Variants in SRSF1 observed in about 807,000 individuals in gnomAD.
SRSF1 encodes serine and arginine rich splicing factor 1, also known as serine/arginine-rich splicing factor 1.
Under a neutral mutation model 25.9 loss-of-function variants are expected in SRSF1, and 1 was observed. The observed-to-expected ratio is 0.04, with a 90% CI of 0.01 to 0.18. SRSF1 has a LOEUF of 0.18. SRSF1 is among the 10% of genes least tolerant of loss of function. SRSF1 has a pLI of 1.00. For missense variants in SRSF1, 65 were observed against 350.5 expected (o/e 0.19, Z 6.50); for synonymous variants, 132 against 126.2 (o/e 1.05, Z -0.31).
Position 58,002,151 on chromosome 17 carries a change from G to A in SRSF1, c.*3255C>T, listed in dbSNP as rs1172627233. Among the ~76,000 whole-genome samples the A allele has an allele frequency of 6.7e-6, 1 of 149,268 alleles. No homozygotes were observed. The highest frequency in any genetic ancestry group is 1.5e-5 in the Non-Finnish European group (1 of 68,004). ...TAAAACTTCTTAGAATTTCAAGAATGTCATGTAAAATTATTCAAATTTTTA... is the reference window on the plus strand; with the variant it reads ...TAAAACTTCTTAGAATTTCAAGAATATCATGTAAAATTATTCAAATTTTTA... On this transcript the variant is annotated 3_prime_UTR_variant, in exon 4 of 4. Coordinates refer to ENST00000258962, the MANE Select transcript of SRSF1 (RefSeq NM_006924.5).
chr17:58,007,239 A>G lies in SRSF1; in HGVS notation c.-102T>C, dbSNP rs2075437618. 2 of 1,364,416 alleles carry G rather than the reference A, an allele frequency of 1.5e-6. No individual in the cohort carries two copies. Among genetic ancestry groups the G allele is most frequent in the Non-Finnish European group, 2.0e-6 (2 of 988,986 alleles). The allele number at this position is 1,364,416 out of a possible 1,614,324, so 84.5% of individuals were successfully genotyped here. A position where few individuals can be genotyped will look rare whatever the true frequency, so the allele number is the denominator to read the frequency against. ...GCACCACGTCTCCCGCGGCCCCTCC[A>G]AAATGGCGCCTTTATCAGCTCGGCG... On this transcript the variant is annotated 5_prime_UTR_variant, in exon 1 of 4. Coordinates refer to ENST00000258962, the MANE Select transcript of SRSF1 (RefSeq NM_006924.5).
Position 58,006,536 on chromosome 17 carries a change from T to A in SRSF1, c.195-9A>T, listed in dbSNP as rs762394170. On this transcript the variant is annotated splice_polypyrimidine_tract_variant and intron_variant, in intron 1 of 3. Coordinates refer to ENST00000258962, the MANE Select transcript of SRSF1 (RefSeq NM_006924.5). ...CCGCGTCTTCCGCGTCTCTGCGGGATCGCAGAAAGTAAAAGGGATGAGAAA... is the reference window on the plus strand; with the variant it reads ...CCGCGTCTTCCGCGTCTCTGCGGGAACGCAGAAAGTAAAAGGGATGAGAAA... 4 of 1,608,428 alleles carry A rather than the reference T, an allele frequency of 2.5e-6. No homozygotes were observed. The highest frequency in any genetic ancestry group is 3.4e-6 in the Non-Finnish European group (4 of 1,176,840).
rs1334796072 is a variant in SRSF1 at position 58,006,472 on chromosome 17, G to A, written c.250C>T (p.Leu84=). 2 of 1,605,208 alleles carry A rather than the reference G, an allele frequency of 1.2e-6. No homozygotes were observed. The highest frequency in any genetic ancestry group is 1.3e-5 in the African/African-American group (1 of 74,720). The change falls in exon 2 of 4, where the codon CTG becomes TTG. Residue 84 remains leucine (L), a synonymous_variant. Transcript: ENST00000258962. ...CCGCTTCGAGGAAACTCCACCCGCA[G>A]ACGGTACCCATCGTAATCATAGCCG... The part of the protein sequence containing the change: ...RDGYDYDGYR[L]RVEFPRSGRG...
At position 58,005,269 on chromosome 17, in the gene SRSF1, G is replaced by A; in HGVS notation, c.*137C>T. 2.4e-6 allele frequency: 2 copies of A among 841,358 alleles called. No homozygotes were observed. Among genetic ancestry groups the A allele is most frequent in the East Asian group, 2.5e-5 (1 of 39,856 alleles). 52.1% of individuals were successfully genotyped at this position (841,358 alleles called of 1,614,324 possible). Reference sequence around the variant, plus strand: ...AAGGGAATGTAGATGTTAGGAGCAAGGGGATATTACAAGAATGCAATTCAA... The same window carrying A: ...AAGGGAATGTAGATGTTAGGAGCAAAGGGATATTACAAGAATGCAATTCAA... On this transcript the variant is annotated 3_prime_UTR_variant, in exon 4 of 4. Transcript: ENST00000258962. The surrounding 1 kb of genome is among the most constrained non-coding windows in gnomAD (Gnocchi z 5.2).
At chr17:57,992,565 C>T in the SRSF1 span, 39,128 of 152,096 alleles carry the variant, frequency 0.26, 7,336 homozygotes, top group African/African-American at 0.53. Flanking sequence ...TCCTCGGCTA[C>T]AGCCTCCACC....
At position 58,001,410 on chromosome 17, in the gene SRSF1, A is replaced by G. The variant is rs1337112191; in HGVS notation, c.*3996T>C. Among the ~76,000 whole-genome samples, 3 of 152,200 alleles carry G rather than the reference A, an allele frequency of 2.0e-5. No homozygotes were observed. The highest frequency in any genetic ancestry group is 1.3e-4 in the Admixed American group (2 of 15,282). Reference sequence around the variant, plus strand: ...CTATTCATATTCCAAACAGCATTTTAAAAAACATTAAACTTAGCTTAGTTT... The same window carrying G: ...CTATTCATATTCCAAACAGCATTTTGAAAAACATTAAACTTAGCTTAGTTT... On this transcript the variant is annotated 3_prime_UTR_variant, in exon 4 of 4. Transcript: ENST00000258962.
At chr17:57,999,315 C>T (rs528810974), downstream of SRSF1, among the ~76,000 whole-genome samples, 1 of 152,278 alleles carries the variant, frequency 6.6e-6, no homozygotes, top group East Asian at 1.9e-4. Context: ...TAGTTTTCCC[C>T]AGCACACCTA....
chr17:58,005,270 G>A lies in SRSF1; in HGVS notation c.*136C>T. On this transcript the variant is annotated 3_prime_UTR_variant, in exon 4 of 4. Coordinates refer to ENST00000258962, the MANE Select transcript of SRSF1 (RefSeq NM_006924.5). This position sits in a 1 kb window ranked among gnomAD's most constrained non-coding sequence, Gnocchi z 5.2. ...AGGGAATGTAGATGTTAGGAGCAAG[G>A]GGATATTACAAGAATGCAATTCAAC... 2.4e-6 allele frequency: 2 copies of A among 845,530 alleles called. No homozygotes were observed. Among genetic ancestry groups the A allele is most frequent in the South Asian group, 1.7e-5 (1 of 58,580 alleles). The allele number at this position is 845,530 out of a possible 1,614,324, so 52.4% of individuals were successfully genotyped here. A position where few individuals can be genotyped will look rare whatever the true frequency, so the allele number is the denominator to read the frequency against.
At chr17:58,006,878 G>A in intron 1 of SRSF1, 66 bp downstream of exon 1, 1 of 1,566,812 alleles carries the variant, frequency 6.4e-7, no homozygotes, top group Non-Finnish European at 8.7e-7. Flanking sequence ...CTATGTTAAG[G>A]CCTTGGAGCC....
rs1567748518 is a variant in SRSF1, at chr17:58,004,743, AAT to A, written c.*661_*662del. Reference sequence around the variant, plus strand: ...CAAAATAAGTTGCTACAAAATGGGCAATATAATTTTGCCACAATTGCCAAGGT... The same window carrying A: ...CAAAATAAGTTGCTACAAAATGGGCAATAATTTTGCCACAATTGCCAAGGT... On this transcript the variant is annotated 3_prime_UTR_variant, in exon 4 of 4. Transcript: ENST00000258962. 1.3e-5 allele frequency: 5 copies of A among 380,716 alleles called. No individual in the cohort carries two copies. Among genetic ancestry groups the A allele is most frequent in the Non-Finnish European group, 2.3e-5 (5 of 215,062 alleles). 23.6% of individuals were successfully genotyped at this position (380,716 alleles called of 1,614,324 possible). A position where few individuals can be genotyped will look rare whatever the true frequency, so the allele number is the denominator to read the frequency against.
At chr17:57,998,353 T>G (rs538812518), downstream of SRSF1, among the ~76,000 whole-genome samples, 2 of 152,274 alleles carry the variant, frequency 1.3e-5, no homozygotes, top group East Asian at 3.9e-4. Context: ...GCTTGACTGA[T>G]CCTATAATCT....
At chr17:58,006,082 T>G (rs1381818736) in intron 2 of SRSF1, 109 bp from the exon 3 acceptor site, 1 of 1,084,132 alleles carries the variant, frequency 9.2e-7, no homozygotes, top group Admixed American at 2.7e-5. Context: ...TAGGTGTACT[T>G]AAGTGATACC....
Position 58,005,750 on chromosome 17 carries a change from A to G in SRSF1, c.552+51T>C. On this transcript the variant is annotated intron_variant, in intron 3 of 3. Coordinates refer to ENST00000258962, the MANE Select transcript of SRSF1 (RefSeq NM_006924.5). This position sits in a 1 kb window ranked among gnomAD's most constrained non-coding sequence, Gnocchi z 5.2. ...TCCTTACCTTGAAATTCCACTGTTA[A>G]GACCACTGTATCCAATTCTGGTCAA... 1 of 1,614,116 alleles carries G rather than the reference A, an allele frequency of 6.2e-7. No homozygotes were observed.
rs930310393 is a variant in SRSF1, at chr17:58,007,144, G to A, written c.-7C>T. On this transcript the variant is annotated 5_prime_UTR_variant, in exon 1 of 4. Coordinates refer to ENST00000258962, the MANE Select transcript of SRSF1 (RefSeq NM_006924.5). ...TCACACCACCTCCCGACATGGCGGT[G>A]ACGAAAAGCGCGGACTCGAGAACAG... The A allele has an allele frequency of 2.5e-6, 4 of 1,613,672 alleles. No homozygotes were observed. Among genetic ancestry groups the A allele is most frequent in the African/African-American group, 1.3e-5 (1 of 74,948 alleles).
the SRSF1 span, chr17:57,994,602 C>T: frequency 6.6e-6 from 1 of 152,082 alleles, no homozygotes; most frequent in African/African-American, 2.4e-5. Context: ...ACCCAGTACT[C>T]GATATATCAA....
At chr17:57,989,843 T>G in the SRSF1 span, 1 of 398,092 alleles carries the variant, frequency 2.5e-6, no homozygotes, top group Non-Finnish European at 4.4e-6. Flanking sequence ...TCTGATACAT[T>G]TATCAGCTAA....
chr17:58,007,146 C>T lies in SRSF1; in HGVS notation c.-9G>A. 1 of 1,613,662 alleles carries T rather than the reference C, an allele frequency of 6.2e-7. No individual in the cohort carries two copies. Among genetic ancestry groups the T allele is most frequent in the Admixed American group, 1.7e-5 (1 of 60,032 alleles). On this transcript the variant is annotated 5_prime_UTR_variant, in exon 1 of 4. Transcript: ENST00000258962. ...ACACCACCTCCCGACATGGCGGTGA[C>T]GAAAAGCGCGGACTCGAGAACAGGC...
downstream of SRSF1, among the ~76,000 whole-genome samples, chr17:57,999,632 T>C (rs925998112): frequency 6.6e-6 from 1 of 152,222 alleles, no homozygotes; most frequent in Non-Finnish European, 1.5e-5. Context: ...CTTTGTTCTA[T>C]GTATCTATAA....
At chr17:57,990,604 CA>C in the SRSF1 span, 2 of 152,092 alleles carry the variant, frequency 1.3e-5, no homozygotes, top group Non-Finnish European at 2.9e-5. Context: ...TCTAACCAAA[CA>C]AAAAGGAGCT....
Sources: allele counts gnomAD v4.1 joint callset (sites outside exome capture counted in the v4.1 genomes callset), GRCh38; gene constraint gnomAD v4.1.1; non-coding constraint Gnocchi (gnomAD v3.1); transcripts MANE v1.5; gene names NCBI Gene and HGNC (gene_info 2026-07-23, HGNC 2026-07-21).